Variants in PPP1R9A observed in about 807,000 individuals in gnomAD.
PPP1R9A encodes neurabin-1.
In PPP1R9A, 59 loss-of-function variants were observed where a neutral mutation model predicts 141.9. The observed-to-expected ratio is 0.42, with a 90% confidence interval of 0.34 to 0.52. The LOEUF (loss-of-function observed/expected upper bound fraction) is 0.52. Among genes scored for constraint, PPP1R9A ranks in the 20% least tolerant of loss-of-function variants. The pLI is 0.10. For synonymous variants in PPP1R9A, 500 were observed against 569.7 expected, an observed-to-expected ratio of 0.88 and a Z score of 1.74; for missense variants, 1,444 against 1,611.9, an observed-to-expected ratio of 0.90 and a Z score of 1.78.
chr7:95,063,863 T>G (rs997344078), intron 2 of PPP1R9A, among the ~76,000 whole-genome samples: 4 of 152,200 alleles, frequency 2.6e-5, no homozygotes, highest in Admixed American at 1.3e-4. Flanking sequence ...GTCTTATTTT[T>G]TCTTTATATT....
chr7:95,259,411 G>T (rs1355575263), intron 12 of PPP1R9A, among the ~76,000 whole-genome samples: 8 of 151,738 alleles, frequency 5.3e-5, no homozygotes, highest in Non-Finnish European at 1.2e-4. Context: ...GAGTTTTTAA[G>T]CTAAAAAATA....
rs75614375 is a variant in PPP1R9A, at chr7:95,062,692, G to A, written c.1396-48567G>A. On this transcript the variant is annotated intron_variant, in intron 2 of 19. Coordinates refer to ENST00000433360, the MANE Select transcript of PPP1R9A (RefSeq NM_001166160.2). Reference sequence around the variant, plus strand: ...TGTGAGCCACCGCACCCGGCCAAGGGGGATTTTTTTTTCTCCTTTCAGTTT... The same window carrying A: ...TGTGAGCCACCGCACCCGGCCAAGGAGGATTTTTTTTTCTCCTTTCAGTTT... Among the ~76,000 whole-genome samples the A allele has an allele frequency of 7.9e-5, 12 of 151,922 alleles. No individual in the cohort carries two copies. The East Asian group carries it at 2.3e-3, about 30-fold the overall frequency.
At chr7:95,035,036 A>G (rs1460680111) in intron 2 of PPP1R9A, among the ~76,000 whole-genome samples, 5 of 152,174 alleles carry the variant, frequency 3.3e-5, no homozygotes, top group Admixed American at 2.6e-4. Context: ...ATATTTTGCC[A>G]CATATCAATA....
chr7:95,063,635 G>A (rs1283867201), intron 2 of PPP1R9A, among the ~76,000 whole-genome samples: 1 of 152,136 alleles, frequency 6.6e-6, no homozygotes, highest in African/African-American at 2.4e-5. Flanking sequence ...TCTTACATGT[G>A]TATGTGATGA....
intron 5 of PPP1R9A, among the ~76,000 whole-genome samples, chr7:95,173,517 C>T (rs942771438): frequency 1.8e-4 from 27 of 151,536 alleles, no homozygotes; most frequent in Admixed American, 8.6e-4. Context: ...TGATAAACTG[C>T]GTCAAAATTT....
At chr7:94,926,065 C>T (rs1332382347) in intron 2 of PPP1R9A, among the ~76,000 whole-genome samples, 4 of 152,050 alleles carry the variant, frequency 2.6e-5, no homozygotes, top group Non-Finnish European at 5.9e-5. Flanking sequence ...TGGGCTCAAG[C>T]GATCCTCCCA....
intron 2 of PPP1R9A, among the ~76,000 whole-genome samples, chr7:95,077,975 T>TG (rs1491386997): frequency 9.4e-6 from 1 of 106,086 alleles, no homozygotes; most frequent in Non-Finnish European, 2.4e-5. Context: ...TCTTCTACTC[T>TG]GTTTTTTTTT....
At chr7:94,950,691 G>T (rs1013282595) in intron 2 of PPP1R9A, among the ~76,000 whole-genome samples, 1 of 151,708 alleles carries the variant, frequency 6.6e-6, no homozygotes, top group Admixed American at 6.6e-5. Flanking sequence ...AACATTTTTT[G>T]CTACTGTTGT....
At chr7:94,989,830 C>T (rs2151419012) in intron 2 of PPP1R9A, among the ~76,000 whole-genome samples, 1 of 152,142 alleles carries the variant, frequency 6.6e-6, no homozygotes, top group Admixed American at 6.5e-5. Context: ...AAATCAAGGT[C>T]AGATTGCCCC....
chr7:95,217,432 T>C lies in PPP1R9A; in HGVS notation c.1957-8529T>C, dbSNP rs147670855. On this transcript the variant is annotated intron_variant, in intron 7 of 19. Coordinates refer to ENST00000433360, the MANE Select transcript of PPP1R9A (RefSeq NM_001166160.2). The stretch of plus-strand genomic sequence containing the variant: ...AGGGATATTGGTCTAAAATTCTCTT[T>C]TTTTTTGTTGTGTCTCTGCCAGGCT... 4.6e-3 allele frequency among the ~76,000 whole-genome samples: 702 copies of C among 152,290 alleles called. 4 individuals are homozygous for C. The highest frequency in any genetic ancestry group is 0.015 in the African/African-American group (635 of 41,558).
chr7:95,237,595 A>C (rs538693109), intron 8 of PPP1R9A, among the ~76,000 whole-genome samples: 1 of 152,250 alleles, frequency 6.6e-6, no homozygotes, highest in South Asian at 2.1e-4. Flanking sequence ...ACCAAATCTG[A>C]AAAAGCATAT....
intron 2 of PPP1R9A, chr7:95,098,406 A>G (rs1174062612): frequency 6.6e-6 from 1 of 152,134 alleles, no homozygotes; most frequent in East Asian, 1.9e-4. Flanking sequence ...AATGTAAAAA[A>G]AAAAAAGACC....
In PPP1R9A at chr7:95,275,302, G is replaced by T. The variant is rs1182610222; in HGVS notation, c.3296+1134G>T. ...GCACACCTGTAATCCCAGCTACTCG[G>T]GAGGCTGAGGCAGGAGAATTGCTTG... On this transcript the variant is annotated intron_variant, in intron 16 of 19. Coordinates refer to ENST00000433360, the MANE Select transcript of PPP1R9A (RefSeq NM_001166160.2). Among the ~76,000 whole-genome samples, 3 of 151,976 alleles carry T rather than the reference G, an allele frequency of 2.0e-5. No individual in the cohort carries two copies. In the East Asian group the frequency reaches 5.8e-4, roughly 29 times the overall value.
chr7:95,035,440 TG>T (rs1162134767), intron 2 of PPP1R9A, among the ~76,000 whole-genome samples: 1 of 152,180 alleles, frequency 6.6e-6, no homozygotes, highest in African/African-American at 2.4e-5. Context: ...TTTCTCCTTC[TG>T]TCAGTGACTG....
chr7:95,178,670 C>T (rs1361421620), intron 5 of PPP1R9A, among the ~76,000 whole-genome samples: 1 of 151,870 alleles, frequency 6.6e-6, no homozygotes, highest in Non-Finnish European at 1.5e-5. Context: ...TCCAAATAAC[C>T]TCAATAAGAA....
chr7:95,289,991 A>G (rs1806107963), intron 19 of PPP1R9A, 100 bp from the exon 20 acceptor site: 7 of 1,519,720 alleles, frequency 4.6e-6, no homozygotes, highest in African/African-American at 1.4e-5. Flanking sequence ...TACCTCTTCA[A>G]TGTTTGAATT....
rs938535485 is a variant in PPP1R9A, at chr7:94,956,251, A to G, written c.1395+44743A>G. Among the ~76,000 whole-genome samples, 6 of 152,148 alleles carry G rather than the reference A, an allele frequency of 3.9e-5. No homozygotes were observed. The East Asian group carries it at 7.7e-4, about 20-fold the overall frequency. On this transcript the variant is annotated intron_variant, in intron 2 of 19. Transcript: ENST00000433360. ...AAGCTTTCAAGAGAAAATTAGCTGCAATTAAGAACCTTCTTTTTATTGTAA... is the reference window on the plus strand; with the variant it reads ...AAGCTTTCAAGAGAAAATTAGCTGCGATTAAGAACCTTCTTTTTATTGTAA...
intron 3 of PPP1R9A, among the ~76,000 whole-genome samples, chr7:95,118,157 C>T (rs1821852281): frequency 6.6e-6 from 1 of 152,134 alleles, no homozygotes; most frequent in Admixed American, 6.6e-5. Flanking sequence ...GTGGGAGAGC[C>T]TTCAGCACAC....
intron 5 of PPP1R9A, among the ~76,000 whole-genome samples, chr7:95,162,538 A>G (rs1309748185): frequency 6.6e-6 from 1 of 152,238 alleles, no homozygotes; most frequent in Non-Finnish European, 1.5e-5. Flanking sequence ...GAAAACAAGT[A>G]AGAAGCAGTT....
Sources: gnomAD v4.1 joint callset for allele counts (sites outside exome capture counted in the v4.1 genomes callset) on GRCh38, gnomAD v4.1.1 for gene constraint, MANE v1.5 for transcripts, NCBI Gene and HGNC (gene_info 2026-07-23, HGNC 2026-07-21) for gene names.